The following ROBO2 variants were observed in gnomAD, a reference collection of about 807,000 sequenced individuals.
The protein encoded by ROBO2 is roundabout guidance receptor 2.
Under a neutral mutation model 160.8 loss-of-function variants are expected in ROBO2, and 53 were observed. That is an observed-to-expected ratio of 0.33 (90% CI 0.26 to 0.41). The LOEUF is 0.41. ROBO2 is among the 10% of genes least tolerant of loss of function. The pLI, the probability that ROBO2 is intolerant of heterozygous loss-of-function variation, is 1.00. For missense variants in ROBO2, 1,577 were observed against 1,722.4 expected (o/e 0.92, Z 1.49); for synonymous variants, 664 against 611.7 (o/e 1.09, Z -1.26).
At chr3:77,388,968 G>A (rs2074419883) in intron 2 of ROBO2, among the ~76,000 whole-genome samples, 1 of 152,220 alleles carries the variant, frequency 6.6e-6, no homozygotes, top group Non-Finnish European at 1.5e-5. Context: ...TGTTGAGACA[G>A]AGTTTCACTC....
At chr3:77,540,568 G>T (rs2092413969) in intron 6 of ROBO2, among the ~76,000 whole-genome samples, 1 of 151,968 alleles carries the variant, frequency 6.6e-6, no homozygotes, top group African/African-American at 2.4e-5. Flanking sequence ...GGGCCAGTCG[G>T]GGGCAGTGGG....
intron 2 of ROBO2, among the ~76,000 whole-genome samples, chr3:76,219,962 T>G (rs1703847682): frequency 6.6e-6 from 1 of 151,670 alleles, no homozygotes; most frequent in South Asian, 2.1e-4. Flanking sequence ...ATTAAGAAAA[T>G]GTGGCACATA....
chr3:76,064,377 A>T (rs1488639791), intron 2 of ROBO2, among the ~76,000 whole-genome samples: 4 of 152,118 alleles, frequency 2.6e-5, no homozygotes, highest in Admixed American at 6.5e-5. Flanking sequence ...CTCTCCCATT[A>T]TAGATGGTTG....
rs144296138 is a variant in ROBO2, at chr3:77,195,692, A to G, written c.388+97352A>G. Among the ~76,000 whole-genome samples the G allele has an allele frequency of 1.6e-3, 250 of 152,326 alleles. 3 individuals carry two copies. Among genetic ancestry groups the G allele is most frequent in the African/African-American group, 5.7e-3 (235 of 41,582 alleles). On this transcript the variant is annotated intron_variant, in intron 2 of 25. Transcript: ENST00000461745. ...TAAGCAGTTTTAGACTTCCAGATAT[A>G]GCTTATAATAATTGTCTGTACTTGC... is the stretch of plus-strand genomic sequence containing the variant.
chr3:76,436,991 C>G (rs977903542), intron 2 of ROBO2, among the ~76,000 whole-genome samples: 1 of 152,154 alleles, frequency 6.6e-6, no homozygotes, highest in Non-Finnish European at 1.5e-5. Flanking sequence ...AATGCTATCA[C>G]AGTAACATTT....
At chr3:75,972,022 G>A (rs957160748) in intron 2 of ROBO2, among the ~76,000 whole-genome samples, 2 of 151,638 alleles carry the variant, frequency 1.3e-5, no homozygotes, top group African/African-American at 2.4e-5. Flanking sequence ...GCTTAGAAAA[G>A]TGAGATTTCA....
intron 22 of ROBO2, 72 bp downstream of exon 23, chr3:77,617,845 A>G: frequency 6.6e-7 from 1 of 1,518,312 alleles, no homozygotes; most frequent in Non-Finnish European, 9.0e-7. Flanking sequence ...TAAATTCACA[A>G]GAGATTCTGA....
chr3:76,426,320 C>T (rs1283323198), intron 2 of ROBO2, among the ~76,000 whole-genome samples: 2 of 152,014 alleles, frequency 1.3e-5, no homozygotes, highest in Non-Finnish European at 2.9e-5. Context: ...AAAGTATATT[C>T]ACAATTAAGG....
chr3:76,159,668 A>C (rs1184353642), intron 2 of ROBO2, among the ~76,000 whole-genome samples: 1 of 152,156 alleles, frequency 6.6e-6, no homozygotes, highest in African/African-American at 2.4e-5. Context: ...GGGGACTTCA[A>C]AAATTTTGTG....
chr3:77,552,981 C>A (rs2092973145), intron 8 of ROBO2, among the ~76,000 whole-genome samples: 1 of 151,868 alleles, frequency 6.6e-6, no homozygotes, highest in Non-Finnish European at 1.5e-5. Flanking sequence ...AAACGTATGT[C>A]ATGTTCAGAG....
rs79006486 is a variant in ROBO2 at position 75,972,251 on chromosome 3, C to A, written c.109+34649C>A. On this transcript the variant is annotated intron_variant, in intron 2 of 26. Transcript: ENST00000487694. ...TATGCATAGAAATGATCAATAAAAT[C>A]AAAATGTGTGAAATACCACAAAATA... Among the ~76,000 whole-genome samples, 364 of 151,630 alleles carry A rather than the reference C, an allele frequency of 2.4e-3. 7 individuals are homozygous for A. In the East Asian group the frequency reaches 0.037, roughly 15 times the overall value.
chr3:76,324,353 T>C (rs890062410), intron 2 of ROBO2, among the ~76,000 whole-genome samples: 3 of 152,200 alleles, frequency 2.0e-5, no homozygotes, highest in Admixed American at 6.5e-5. Flanking sequence ...GTCAATGTGG[T>C]TGCTTGTGTA....
chr3:76,345,380 T>C (rs1438493440), intron 2 of ROBO2, among the ~76,000 whole-genome samples: 1 of 151,866 alleles, frequency 6.6e-6, no homozygotes, highest in Non-Finnish European at 1.5e-5. Flanking sequence ...TGTGTGAGAA[T>C]GTGTATAAAC....
intron 2 of ROBO2, among the ~76,000 whole-genome samples, chr3:76,644,405 T>A (rs2090863914): frequency 6.6e-6 from 1 of 152,174 alleles, no homozygotes; most frequent in South Asian, 2.1e-4. Context: ...CCCATGTCAA[T>A]CACTCCTGAT....
intron 2 of ROBO2, chr3:76,435,499 C>A: frequency 1.5e-6 from 1 of 660,828 alleles, no homozygotes; most frequent in Non-Finnish European, 2.8e-6. Context: ...TGGTTCTTTT[C>A]GCGATTTCCT....
chr3:75,981,263 A>G (rs566195096), intron 2 of ROBO2, among the ~76,000 whole-genome samples: 74 of 151,588 alleles, frequency 4.9e-4, no homozygotes, highest in South Asian at 4.3e-3. Context: ...CTGCCATTCA[A>G]TTGCTGGAAC....
intron 2 of ROBO2, among the ~76,000 whole-genome samples, chr3:76,038,742 C>T (rs1295547686): frequency 6.6e-6 from 1 of 151,122 alleles, no homozygotes; most frequent in African/African-American, 2.5e-5. Flanking sequence ...CCCTGGGAAC[C>T]CAACTGGTAG....
chr3:77,374,847 T>C (rs2072399448), intron 2 of ROBO2, among the ~76,000 whole-genome samples: 1 of 152,226 alleles, frequency 6.6e-6, no homozygotes, highest in South Asian at 2.1e-4. Context: ...TTTTAATCCT[T>C]GTATTTTACT....
At chr3:76,695,883 T>C (rs1320094542) in intron 2 of ROBO2, among the ~76,000 whole-genome samples, 2 of 152,182 alleles carry the variant, frequency 1.3e-5, no homozygotes, top group Non-Finnish European at 2.9e-5. Flanking sequence ...CAATAAGATA[T>C]GGATATCCAG....
Sources: allele counts gnomAD v4.1 joint callset (sites outside exome capture counted in the v4.1 genomes callset), GRCh38; gene constraint gnomAD v4.1.1; transcripts MANE v1.5; gene names NCBI Gene and HGNC (gene_info 2026-07-23, HGNC 2026-07-21).